MAPK10: variants seen among roughly 807,000 people sequenced by gnomAD.
MAPK10 encodes the protein JNK3 alpha protein kinase.
A neutral mutation model predicts 59.3 loss-of-function variants in MAPK10; 25 were observed. The observed-to-expected ratio is 0.42, with a 90% confidence interval of 0.31 to 0.59. The LOEUF is 0.59. Ranked by LOEUF, MAPK10 falls within the 20% of genes least tolerant of loss-of-function variation. The pLI, the probability that MAPK10 is intolerant of heterozygous loss-of-function variation, is 0.15. For missense variants in MAPK10, 351 were observed against 568.9 expected, an observed-to-expected ratio of 0.62 and a Z score of 3.90; for synonymous variants, 190 against 200.5, an observed-to-expected ratio of 0.95 and a Z score of 0.44.
At chr4:86,075,758 T>G (rs1440857766) in intron 9 of MAPK10, among the ~76,000 whole-genome samples, 1 of 152,134 alleles carries the variant, frequency 6.6e-6, no homozygotes, top group Non-Finnish European at 1.5e-5. Flanking sequence ...CATTCTCAGA[T>G]CTCCAGCTGC....
At chr4:86,264,578 C>T (rs1051492812) in intron 2 of MAPK10, among the ~76,000 whole-genome samples, 6 of 152,182 alleles carry the variant, frequency 3.9e-5, no homozygotes, top group African/African-American at 1.4e-4. Flanking sequence ...AAGTCTGAAG[C>T]TCCTTTGATA....
intron 1 of MAPK10, among the ~76,000 whole-genome samples, chr4:86,561,893 T>C (rs1760708075): frequency 6.6e-6 from 1 of 152,214 alleles, no homozygotes; most frequent in South Asian, 2.1e-4. Flanking sequence ...TTTTTCCCTA[T>C]TCTAATTTTT....
At chr4:86,067,663 C>G in intron 10 of MAPK10, 110 bp downstream of exon 10, 1 of 909,358 alleles carries the variant, frequency 1.1e-6, no homozygotes, top group East Asian at 2.6e-5. Flanking sequence ...TATCATGTGT[C>G]AACTAAAAAT....
At chr4:86,535,635 G>C (rs1758183896) in intron 1 of MAPK10, among the ~76,000 whole-genome samples, 1 of 151,574 alleles carries the variant, frequency 6.6e-6, no homozygotes, top group Non-Finnish European at 1.5e-5. Context: ...ACTGAAATGA[G>C]TGTACTTTTT....
chr4:86,304,445 T>C (rs1391519171), intron 2 of MAPK10, among the ~76,000 whole-genome samples: 1 of 149,898 alleles, frequency 6.7e-6, no homozygotes, highest in Non-Finnish European at 1.5e-5. Context: ...CAGGCCGGAT[T>C]GCAGTGGCGC....
At position 86,014,900 on chromosome 4, in the gene MAPK10, T is replaced by A. The variant is rs1377624907; in HGVS notation, c.*2328A>T. 2.0e-5 allele frequency: 3 copies of A among 150,256 alleles called. No homozygotes were observed. Among genetic ancestry groups the A allele is most frequent in the African/African-American group, 7.4e-5 (3 of 40,796 alleles). 9.3% of individuals were successfully genotyped at this position (150,256 alleles called of 1,614,324 possible). A position where few individuals can be genotyped will look rare whatever the true frequency, so the allele number is the denominator to read the frequency against. ...GCAGCTTCCTGCTCTCCGCACTTAA[T>A]CCCATGTGGTATAAAGTAAGGGAGG... On this transcript the variant is annotated 3_prime_UTR_variant, in exon 14 of 14. Transcript: ENST00000641462.
At chr4:86,304,374 T>C (rs2095524844) in intron 2 of MAPK10, among the ~76,000 whole-genome samples, 1 of 151,030 alleles carries the variant, frequency 6.6e-6, no homozygotes, top group Non-Finnish European at 1.5e-5. Context: ...TTGTGGCTTG[T>C]TTTGGAGTAT....
At chr4:86,313,897 A>G (rs2095720843) in intron 2 of MAPK10, among the ~76,000 whole-genome samples, 1 of 152,114 alleles carries the variant, frequency 6.6e-6, no homozygotes. Flanking sequence ...GTCAAGTGCA[A>G]GAACGTTCAA....
At chr4:86,504,791 C>T (rs1229197235) in intron 1 of MAPK10, among the ~76,000 whole-genome samples, 1 of 152,058 alleles carries the variant, frequency 6.6e-6, no homozygotes, top group African/African-American at 2.4e-5. Context: ...TAAGAGCTGG[C>T]AATAAGACAC....
At chr4:86,544,005 GAAAAGC>G (rs542829097) in intron 1 of MAPK10, among the ~76,000 whole-genome samples, 32 of 152,316 alleles carry the variant, frequency 2.1e-4, no homozygotes, top group African/African-American at 7.0e-4. Context: ...TAAGACTGAA[GAAAAGC>G]AAAGAAGGAG....
chr4:86,109,980 A>C (rs2057209046), intron 4 of MAPK10, among the ~76,000 whole-genome samples: 1 of 152,204 alleles, frequency 6.6e-6, no homozygotes, highest in South Asian at 2.1e-4. Flanking sequence ...TCTGATAACC[A>C]GTAATGTTGA....
intron 1 of MAPK10, among the ~76,000 whole-genome samples, chr4:86,466,257 G>A (rs768420965): frequency 4.6e-5 from 7 of 152,148 alleles, no homozygotes; most frequent in Non-Finnish European, 1.0e-4. Context: ...GCTGTGCAAC[G>A]ATTCCTATGG....
chr4:86,340,118 C>T (rs1676658188), intron 2 of MAPK10, among the ~76,000 whole-genome samples: 1 of 152,208 alleles, frequency 6.6e-6, no homozygotes, highest in Admixed American at 6.5e-5. Context: ...CTGTGCCAGG[C>T]ATAGTTCTAA....
chr4:86,222,603 G>A (rs76952199), intron 2 of MAPK10, among the ~76,000 whole-genome samples: 2,413 of 152,276 alleles, frequency 0.016, 76 homozygotes, highest in African/African-American at 0.055. Context: ...ATACAGTACA[G>A]CTTGTATTTA....
At chr4:86,505,176 T>C (rs1340013301) in intron 1 of MAPK10, among the ~76,000 whole-genome samples, 1 of 152,202 alleles carries the variant, frequency 6.6e-6, no homozygotes, top group East Asian at 1.9e-4. Context: ...TCTATAGTGC[T>C]TCAGCAATTT....
upstream of MAPK10, among the ~76,000 whole-genome samples, chr4:86,363,396 T>G (rs979023468): frequency 1.3e-5 from 2 of 152,202 alleles, no homozygotes; most frequent in Non-Finnish European, 2.9e-5. Flanking sequence ...ATTTGCCTAA[T>G]AGAATATTAC....
Position 86,504,238 on chromosome 4 carries a change from C to A in MAPK10, c.-263+89672G>T, listed in dbSNP as rs116993668. Among the ~76,000 whole-genome samples the A allele has an allele frequency of 9.4e-3, 1,437 of 152,170 alleles. 6 individuals are homozygous for A. The highest frequency in any genetic ancestry group is 0.014 in the Non-Finnish European group (959 of 67,996). On this transcript the variant is annotated intron_variant, in intron 1 of 4. Coordinates refer to the MAPK10 transcript ENST00000502302. ...TCCCAGAGCCTAAAAGAGCATACTGCACTTAATTCAATAAATATTTCTTGA... is the reference window on the plus strand; with the variant it reads ...TCCCAGAGCCTAAAAGAGCATACTGAACTTAATTCAATAAATATTTCTTGA...
intron 4 of MAPK10, among the ~76,000 whole-genome samples, chr4:86,146,622 G>A (rs2065070037): frequency 6.6e-6 from 1 of 152,164 alleles, no homozygotes; most frequent in Non-Finnish European, 1.5e-5. Context: ...CATGCTTTTG[G>A]CTGTTTGGAG....
chr4:86,525,113 T>C (rs1395523064), intron 1 of MAPK10, among the ~76,000 whole-genome samples: 2 of 151,902 alleles, frequency 1.3e-5, no homozygotes, highest in Non-Finnish European at 2.9e-5. Context: ...CTGGGCAACA[T>C]GGCGAAACCC....
Sources: allele counts gnomAD v4.1 joint callset (sites outside exome capture counted in the v4.1 genomes callset), GRCh38; gene constraint gnomAD v4.1.1; transcripts MANE v1.5; gene names NCBI Gene and HGNC (gene_info 2026-07-23, HGNC 2026-07-21).